Variants in APBB2 observed in about 807,000 individuals in gnomAD.
The protein encoded by APBB2 is Fe65-like 1.
Under a neutral mutation model 82.5 loss-of-function variants are expected in APBB2, and 38 were observed. That is an observed-to-expected ratio of 0.46 (90% CI 0.36 to 0.60). APBB2 has a LOEUF of 0.60. APBB2 is among the 20% of genes least tolerant of loss of function. APBB2 has a pLI of 0.00. For synonymous variants in APBB2, 341 were observed against 368.2 expected, an observed-to-expected ratio of 0.93 and a Z score of 0.85; for missense variants, 772 against 972.3, an observed-to-expected ratio of 0.79 and a Z score of 2.74.
Position 40,981,023 on chromosome 4 carries a change from C to T in APBB2, c.835+32560G>A, listed in dbSNP as rs140532254. 6.3e-3 allele frequency among the ~76,000 whole-genome samples: 963 copies of T among 152,312 alleles called. 16 individuals are homozygous for T. The highest frequency in any genetic ancestry group is 0.021 in the African/African-American group (890 of 41,558). On this transcript the variant is annotated intron_variant, in intron 6 of 17. Coordinates refer to ENST00000508593, the MANE Select transcript of APBB2 (RefSeq NM_004307.2). ...ACTCAGGGAATGCACATTTATAACA[C>T]ACTGAATCTTCTGCACACTAAATCT...
At chr4:40,928,083 A>G (rs1783089760) in intron 10 of APBB2, among the ~76,000 whole-genome samples, 2 of 152,248 alleles carry the variant, frequency 1.3e-5, no homozygotes, top group Admixed American at 6.5e-5. Flanking sequence ...CTGGCCGCCT[A>G]AAACGTGCCA....
chr4:40,848,065 C>T (rs777963569), intron 12 of APBB2, among the ~76,000 whole-genome samples: 1 of 152,048 alleles, frequency 6.6e-6, no homozygotes, highest in Non-Finnish European at 1.5e-5. Flanking sequence ...CTCAGCTTCT[C>T]AAAAAAGTAT....
intron 4 of APBB2, among the ~76,000 whole-genome samples, chr4:41,052,978 T>G (rs1726595822): frequency 6.6e-6 from 1 of 152,162 alleles, no homozygotes; most frequent in African/African-American, 2.4e-5. Flanking sequence ...TTGGCCAGGC[T>G]GGTCTCAAAC....
intron 6 of APBB2, among the ~76,000 whole-genome samples, chr4:40,961,060 G>C (rs1253618449): frequency 6.6e-6 from 1 of 152,124 alleles, no homozygotes; most frequent in Non-Finnish European, 1.5e-5. Flanking sequence ...CAGCAGAGCA[G>C]GAAGGCAGAA....
rs192358478 is a variant in APBB2, at chr4:40,884,990, C to G, written c.1529+5374G>C. ...CAGAAAGATTTTATTAAAAGTTGTTCATCAAAACCAGAAAAGAAAGGTATT... is the reference window on the plus strand; with the variant it reads ...CAGAAAGATTTTATTAAAAGTTGTTGATCAAAACCAGAAAAGAAAGGTATT... On this transcript the variant is annotated intron_variant, in intron 12 of 17. Transcript: ENST00000508593. Among the ~76,000 whole-genome samples, 225 of 152,154 alleles carry G rather than the reference C, an allele frequency of 1.5e-3. 1 individual carries two copies. The highest frequency in any genetic ancestry group is 5.3e-3 in the African/African-American group (218 of 41,492).
chr4:41,207,526 C>T (rs755267175), intron 1 of APBB2, among the ~76,000 whole-genome samples: 2 of 152,230 alleles, frequency 1.3e-5, no homozygotes, highest in Non-Finnish European at 2.9e-5. Flanking sequence ...CAAGATACAT[C>T]TTGAGGTTCA....
At chr4:40,936,259 A>G (rs1312841945) in intron 7 of APBB2, among the ~76,000 whole-genome samples, 1 of 152,154 alleles carries the variant, frequency 6.6e-6, no homozygotes, top group African/African-American at 2.4e-5. Flanking sequence ...ATTTTGTTTA[A>G]AAATTTTTTT....
chr4:41,037,973 G>C (rs2154445688), intron 4 of APBB2, among the ~76,000 whole-genome samples: 1 of 152,076 alleles, frequency 6.6e-6, no homozygotes, highest in East Asian at 1.9e-4. Flanking sequence ...ACTAATGGCA[G>C]GCCACTACAA....
intron 6 of APBB2, among the ~76,000 whole-genome samples, chr4:40,960,748 CT>C (rs537016191): frequency 6.6e-6 from 1 of 152,008 alleles, no homozygotes; most frequent in Non-Finnish European, 1.5e-5. Flanking sequence ...TGCCCCGCCA[CT>C]TTTTTTCTGT....
chr4:40,930,181 C>A (rs559887129), intron 10 of APBB2, among the ~76,000 whole-genome samples: 95 of 152,092 alleles, frequency 6.2e-4, no homozygotes, highest in African/African-American at 2.0e-3. Context: ...GACCGATGTA[C>A]CATGATTATG....
chr4:40,817,559 TCTC>T (rs1321401170), intron 17 of APBB2, among the ~76,000 whole-genome samples: 4 of 152,092 alleles, frequency 2.6e-5, no homozygotes, highest in Admixed American at 6.5e-5. Context: ...AGGGCAGACT[TCTC>T]CTATGCGTGG....
At chr4:41,053,733 A>G (rs957094759) in intron 4 of APBB2, among the ~76,000 whole-genome samples, 2 of 152,400 alleles carry the variant, frequency 1.3e-5, no homozygotes, top group Admixed American at 6.5e-5. Flanking sequence ...CCCATGAAGT[A>G]TATCTCCACG....
intron 6 of APBB2, among the ~76,000 whole-genome samples, chr4:41,011,547 C>T (rs1387927237): frequency 1.3e-5 from 2 of 152,166 alleles, no homozygotes; most frequent in Non-Finnish European, 2.9e-5. Flanking sequence ...TCTTGTGCCT[C>T]AGCCTCCCAG....
intron 12 of APBB2, among the ~76,000 whole-genome samples, chr4:40,888,210 G>C (rs551170611): frequency 1.6e-4 from 24 of 152,362 alleles, no homozygotes; most frequent in African/African-American, 5.3e-4. Context: ...ATATACGTAT[G>C]TGTTGTGGTC....
At chr4:40,951,935 T>C (rs1476992879) in intron 6 of APBB2, among the ~76,000 whole-genome samples, 1 of 151,854 alleles carries the variant, frequency 6.6e-6, no homozygotes, top group Non-Finnish European at 1.5e-5. Flanking sequence ...TCTGTAATAC[T>C]AGCACTTTGA....
rs985901755 is a variant in APBB2, at chr4:40,813,655, A to G, written c.*2437T>C. On this transcript the variant is annotated 3_prime_UTR_variant, in exon 18 of 18. Coordinates refer to ENST00000508593, the MANE Select transcript of APBB2 (RefSeq NM_004307.2). ...ATCTTAATGCATCCTATAATTGCAC[A>G]TATAAATCAGTTTGCTACTTAAAGC... is the stretch of plus-strand genomic sequence containing the variant. 6.6e-6 allele frequency: 1 copy of G among 152,240 alleles called. No homozygotes were observed. Among genetic ancestry groups the G allele is most frequent in the Admixed American group, 6.5e-5 (1 of 15,288 alleles). The allele number at this position is 152,240 out of a possible 1,614,324, so 9.4% of individuals were successfully genotyped here. A position where few individuals can be genotyped will look rare whatever the true frequency, so the allele number is the denominator to read the frequency against.
At chr4:41,063,950 A>ATTT (rs11422110) in intron 4 of APBB2, among the ~76,000 whole-genome samples, 1,936 of 91,656 alleles carry the variant, frequency 0.021, 78 homozygotes, top group African/African-American at 0.045. Context: ...AAATGCTGGG[A>ATTT]TTTTTTTTTT....
intron 10 of APBB2, among the ~76,000 whole-genome samples, chr4:40,913,367 G>A (rs1056461263): frequency 2.0e-5 from 3 of 152,162 alleles, no homozygotes; most frequent in Non-Finnish European, 4.4e-5. Flanking sequence ...CTCCCTAGGC[G>A]GAATCTGAGG....
chr4:40,816,287 GTAA>G, intron 17 of APBB2, 28 bp from the exon 18 acceptor site: 1 of 1,611,944 alleles, frequency 6.2e-7, no homozygotes. Flanking sequence ...GTGTTTTAAG[GTAA>G]TTAACAACAT....
Sources: gnomAD v4.1 joint callset for allele counts (sites outside exome capture counted in the v4.1 genomes callset) on GRCh38, gnomAD v4.1.1 for gene constraint, MANE v1.5 for transcripts, NCBI Gene and HGNC (gene_info 2026-07-23, HGNC 2026-07-21) for gene names.